The following KCNH1 variants were observed in gnomAD, a reference collection of about 807,000 sequenced individuals.
The protein encoded by KCNH1 is potassium voltage-gated channel subfamily H member 1, also known as voltage-gated delayed rectifier potassium channel KCNH1.
Under a neutral mutation model 69.2 loss-of-function variants are expected in KCNH1, and 27 were observed. The observed-to-expected ratio is 0.39, with a 90% CI of 0.29 to 0.54. KCNH1 has a LOEUF of 0.54. KCNH1 is among the 20% of genes least tolerant of loss of function. The pLI is 0.68. For missense variants in KCNH1, 798 were observed against 1,261.6 expected (o/e 0.63, Z 5.57); for synonymous variants, 456 against 487.7 (o/e 0.93, Z 0.86).
chr1:210,997,667 C>A (rs148005147), intron 6 of KCNH1, among the ~76,000 whole-genome samples: 2 of 152,132 alleles, frequency 1.3e-5, no homozygotes, highest in African/African-American at 4.8e-5. Context: ...GGGAATGCCA[C>A]AAAGATACTC....
intron 10 of KCNH1, among the ~76,000 whole-genome samples, chr1:210,718,689 C>CACAT (rs1293283007): frequency 3.1e-4 from 27 of 86,840 alleles, no homozygotes; most frequent in African/African-American, 1.7e-3. Flanking sequence ...CACACACACA[C>CACAT]ACATATATAT....
intron 10 of KCNH1, among the ~76,000 whole-genome samples, chr1:210,745,833 G>A (rs1036675390): frequency 4.3e-4 from 65 of 152,168 alleles, no homozygotes; most frequent in African/African-American, 1.5e-3. Context: ...CACAGTGGCT[G>A]TATAGCCAAG....
intron 10 of KCNH1, among the ~76,000 whole-genome samples, chr1:210,753,218 G>A (rs1216940085): frequency 6.6e-6 from 1 of 152,198 alleles, no homozygotes; most frequent in Non-Finnish European, 1.5e-5. Context: ...TCCCCCAAGT[G>A]TGTGGGGGAC....
At chr1:210,907,796 G>A (rs1261727712) in intron 7 of KCNH1, among the ~76,000 whole-genome samples, 5 of 152,196 alleles carry the variant, frequency 3.3e-5, no homozygotes, top group African/African-American at 4.8e-5. Context: ...GTAGTGGCCA[G>A]GGAAGGAGAG....
chr1:210,878,340 T>C (rs558883148), intron 7 of KCNH1, among the ~76,000 whole-genome samples: 13 of 151,872 alleles, frequency 8.6e-5, no homozygotes, highest in Non-Finnish European at 1.5e-4. Flanking sequence ...AACAGCAGAA[T>C]ACACATTCTT....
At chr1:211,088,375 C>T (rs879765975) in intron 4 of KCNH1, among the ~76,000 whole-genome samples, 11 of 152,338 alleles carry the variant, frequency 7.2e-5, no homozygotes, top group Non-Finnish European at 1.3e-4. Context: ...GCCAGGAGAA[C>T]AATCCAGCCA....
At chr1:210,935,036 C>A (rs946842447) in intron 6 of KCNH1, among the ~76,000 whole-genome samples, 1 of 151,694 alleles carries the variant, frequency 6.6e-6, no homozygotes, top group African/African-American at 2.4e-5. Flanking sequence ...TAGCTGCACT[C>A]ATGTTTACTA....
chr1:210,862,349 G>T, intron 7 of KCNH1: 1 of 687,852 alleles, frequency 1.5e-6, no homozygotes, highest in Non-Finnish European at 2.7e-6. Context: ...ACTACTCACT[G>T]CACACATGGA....
rs146044156 is a variant in KCNH1, at chr1:211,057,487, T to A, written c.558+25293A>T. The stretch of plus-strand genomic sequence containing the variant: ...CCATCTCTACAAAAAAAAATTTTTT[T>A]AATTAGCTGGGTATTATGGCGTTTG... On this transcript the variant is annotated intron_variant, in intron 5 of 10. Coordinates refer to ENST00000271751, the MANE Select transcript of KCNH1 (RefSeq NM_172362.3). 8.0e-3 allele frequency among the ~76,000 whole-genome samples: 1,209 copies of A among 151,990 alleles called. 12 individuals carry two copies. The highest frequency in any genetic ancestry group is 0.028 in the African/African-American group (1,140 of 41,410).
chr1:211,082,845 G>A lies in KCNH1; in HGVS notation c.493C>T (p.Leu165=). 1.2e-6 allele frequency: 2 copies of A among 1,614,162 alleles called. No individual in the cohort carries two copies. Among genetic ancestry groups the A allele is most frequent in the South Asian group, 1.1e-5 (1 of 91,086 alleles). The change falls in exon 5 of 11, where the codon CTG becomes TTG. Residue 165 remains leucine, a synonymous_variant. Coordinates refer to ENST00000271751, the MANE Select transcript of KCNH1 (RefSeq NM_172362.3). ...TRALTSSRGV[L]QQLAPSVQKG... is the part of the protein sequence containing the mutation. ...TGCACGCTTGGAGCCAGCTGCTGCA[G>A]GACACCCCTGCTGCTTGTCAGTGCT...
intron 6 of KCNH1, among the ~76,000 whole-genome samples, chr1:210,953,951 G>A (rs1336376291): frequency 6.6e-6 from 1 of 152,084 alleles, no homozygotes; most frequent in African/African-American, 2.4e-5. Flanking sequence ...ACAATGTGCA[G>A]GTTTGTTATA....
At chr1:210,802,078 T>G (rs1684440126) in intron 8 of KCNH1, among the ~76,000 whole-genome samples, 1 of 152,248 alleles carries the variant, frequency 6.6e-6, no homozygotes, top group Non-Finnish European at 1.5e-5. Flanking sequence ...ATAACAGGGT[T>G]GCTGTGGAGG....
intron 6 of KCNH1, among the ~76,000 whole-genome samples, chr1:210,943,441 C>G (rs920300933): frequency 1.3e-5 from 2 of 152,180 alleles, no homozygotes; most frequent in African/African-American, 4.8e-5. Flanking sequence ...CTCTGCCTCC[C>G]GGGTTCAGGC....
intron 10 of KCNH1, among the ~76,000 whole-genome samples, chr1:210,711,676 C>T (rs1682078545): frequency 6.6e-6 from 1 of 152,334 alleles, no homozygotes. Flanking sequence ...TGCAATGATA[C>T]AAGAGTATCC....
chr1:210,844,563 G>A (rs957175009), intron 7 of KCNH1, among the ~76,000 whole-genome samples: 1 of 152,162 alleles, frequency 6.6e-6, no homozygotes, highest in Non-Finnish European at 1.5e-5. Flanking sequence ...GAATCTCTGG[G>A]ACACATTCAA....
chr1:210,891,774 T>C (rs1455448853), intron 7 of KCNH1, among the ~76,000 whole-genome samples: 1 of 152,180 alleles, frequency 6.6e-6, no homozygotes, highest in African/African-American at 2.4e-5. Flanking sequence ...TGTATGTTTA[T>C]TGCAGCACTA....
At position 210,831,765 on chromosome 1, in the gene KCNH1, C is replaced by T. The variant is rs186268371; in HGVS notation, c.1463-27599G>A. 1.4e-4 allele frequency among the ~76,000 whole-genome samples: 22 copies of T among 152,282 alleles called. No homozygotes were observed. The East Asian group carries it at 3.9e-3, about 27-fold the overall frequency. On this transcript the variant is annotated intron_variant, in intron 7 of 10. Transcript: ENST00000271751. ...TCCCCTCTAGGTCTTCTCCACTGAA[C>T]ATAACTGCACCTTCTGGAGATACAC...
chr1:210,917,347 G>C (rs547878369), intron 7 of KCNH1, among the ~76,000 whole-genome samples: 47 of 151,944 alleles, frequency 3.1e-4, no homozygotes, highest in Non-Finnish European at 5.9e-4. Flanking sequence ...CAGAGAGAGA[G>C]AAAGAGAGAG....
intron 5 of KCNH1, among the ~76,000 whole-genome samples, chr1:211,052,006 A>G (rs1690216001): frequency 6.6e-6 from 1 of 152,186 alleles, no homozygotes; most frequent in Admixed American, 6.5e-5. Context: ...CCTAAACCTG[A>G]TTTCAGCTAA....
Sources: allele counts gnomAD v4.1 joint callset (sites outside exome capture counted in the v4.1 genomes callset), GRCh38; gene constraint gnomAD v4.1.1; transcripts MANE v1.5; gene names NCBI Gene and HGNC (gene_info 2026-07-23, HGNC 2026-07-21).